The following TXNRD1 variants were observed in gnomAD, a reference collection of about 807,000 sequenced individuals.
The protein encoded by TXNRD1 is thioredoxin reductase 1.
A neutral mutation model predicts 80.3 loss-of-function variants in TXNRD1; 57 were observed. The ratio of observed to expected loss-of-function variants is 0.71; its 90% CI spans 0.57 to 0.89. The LOEUF is 0.89. Among genes scored for constraint, TXNRD1 ranks in the 40% least tolerant of loss-of-function variants. The probability of loss-of-function intolerance (pLI) is 0.00; values close to 1 mark genes in which losing one functional copy is unlikely to be tolerated. For missense variants in TXNRD1, 730 were observed against 803.0 expected (o/e 0.91, Z 1.10); for synonymous variants, 291 against 285.2 (o/e 1.02, Z -0.20).
chr12:104,265,893 G>GAAAAAAAAA, intron 3 of TXNRD1: 3 of 574,744 alleles, frequency 5.2e-6, no homozygotes, highest in Middle Eastern at 4.8e-4. Flanking sequence ...CGCCCCGGTG[G>GAAAAAAAAA]AAAAAAAAAA....
At chr12:104,222,070 C>A (rs1455993163) in intron 1 of TXNRD1, among the ~76,000 whole-genome samples, 1 of 152,070 alleles carries the variant, frequency 6.6e-6, no homozygotes, top group Non-Finnish European at 1.5e-5. Flanking sequence ...CTAGAAATCT[C>A]TATTTATCAT....
rs573236694 is a variant in TXNRD1, at chr12:104,219,891, A to G, written c.91+3998A>G. ...CAGTATTTTTTCAAAGTGCGGTCCT[A>G]AGACCACCTGCAAGAGAATTAATTA... is the stretch of plus-strand genomic sequence containing the variant. On this transcript the variant is annotated intron_variant, in intron 1 of 16. Transcript: ENST00000525566. Among the ~76,000 whole-genome samples, 3 of 152,312 alleles carry G rather than the reference A, an allele frequency of 2.0e-5. No individual in the cohort carries two copies. The South Asian group carries it at 6.2e-4, about 32-fold the overall frequency.
chr12:104,329,744 T>C (rs2035887181), intron 13 of TXNRD1, among the ~76,000 whole-genome samples: 1 of 152,220 alleles, frequency 6.6e-6, no homozygotes, highest in Admixed American at 6.5e-5. Flanking sequence ...GGAAGACCTC[T>C]ACAGACCTCA....
intron 2 of TXNRD1, among the ~76,000 whole-genome samples, chr12:104,253,802 C>A (rs1441189062): frequency 6.6e-6 from 1 of 152,066 alleles, no homozygotes; most frequent in African/African-American, 2.4e-5. Flanking sequence ...AAGTGATTCT[C>A]CTGCCTCAGC....
chr12:104,304,989 G>A (rs2034835640), intron 4 of TXNRD1: 1 of 1,498,648 alleles, frequency 6.7e-7, no homozygotes, highest in Admixed American at 2.5e-5. Flanking sequence ...GTTAGATGGA[G>A]AGTAAAATGT....
At chr12:104,329,835 A>C (rs1016817197) in intron 13 of TXNRD1, among the ~76,000 whole-genome samples, 1 of 152,094 alleles carries the variant, frequency 6.6e-6, no homozygotes, top group Non-Finnish European at 1.5e-5. Context: ...TCCAGGAAAG[A>C]CCCTGGGCTC....
chr12:104,308,904 T>TG (rs1278163908), intron 4 of TXNRD1, among the ~76,000 whole-genome samples: 19 of 150,628 alleles, frequency 1.3e-4, no homozygotes, highest in African/African-American at 4.6e-4. Context: ...GTTTCTTTTT[T>TG]TTTTTTTTTT....
intron 1 of TXNRD1, among the ~76,000 whole-genome samples, chr12:104,221,694 GA>G (rs1391422003): frequency 3.9e-5 from 6 of 152,132 alleles, no homozygotes; most frequent in African/African-American, 1.2e-4. Flanking sequence ...GACAAATATA[GA>G]AAAGTTATTT....
intron 3 of TXNRD1, among the ~76,000 whole-genome samples, chr12:104,278,049 T>G (rs2033793489): frequency 6.6e-6 from 1 of 151,530 alleles, no homozygotes; most frequent in African/African-American, 2.4e-5. Flanking sequence ...GCTAATTTTT[T>G]TGTATTTTTA....
In TXNRD1 at chr12:104,254,355, C is replaced by T. The variant is rs562260982; in HGVS notation, c.243+2677C>T. ...GTGGTTAATCTTCCTTCTGTCAGTACTGAGGCTAGATTAAATGGTAATCAA... is the reference window on the plus strand; with the variant it reads ...GTGGTTAATCTTCCTTCTGTCAGTATTGAGGCTAGATTAAATGGTAATCAA... On this transcript the variant is annotated intron_variant, in intron 2 of 16. Coordinates refer to ENST00000525566, the MANE Select transcript of TXNRD1 (RefSeq NM_001093771.3). 1.1e-3 allele frequency among the ~76,000 whole-genome samples: 162 copies of T among 152,064 alleles called. 1 individual carries two copies. Among genetic ancestry groups the T allele is most frequent in the Middle Eastern group, 3.4e-3 (1 of 294 alleles).
chr12:104,267,505 C>A (rs975923404), intron 3 of TXNRD1, among the ~76,000 whole-genome samples: 1 of 151,068 alleles, frequency 6.6e-6, no homozygotes, highest in Admixed American at 6.7e-5. Context: ...TGCCTTACTT[C>A]TTCCTTTCCT....
chr12:104,338,644 T>A (rs35928066), intron 15 of TXNRD1, among the ~76,000 whole-genome samples: 1,911 of 145,020 alleles, frequency 0.013, 40 homozygotes, highest in African/African-American at 0.042. Flanking sequence ...TTGCGGTGAG[T>A]GGAGATCGCG....
rs1565862719 is a variant in TXNRD1 at position 104,251,635 on chromosome 12, CTG to C, written c.203_204del (p.Val68GlyfsTer5). On this transcript the variant is annotated frameshift_variant, in exon 2 of 17. Coordinates refer to ENST00000525566, the MANE Select transcript of TXNRD1 (RefSeq NM_001093771.3). LOFTEE classifies it high-confidence loss of function. ...CTTCAGGCCTATATAGATGGTCACT[CTG>C]TGGTCATCTTCAGTAGGTCCACATG... The C allele has an allele frequency of 2.5e-6, 4 of 1,613,964 alleles. No individual in the cohort carries two copies. Among genetic ancestry groups the C allele is most frequent in the Non-Finnish European group, 3.4e-6 (4 of 1,179,854 alleles).
chr12:104,266,034 C>A (rs927538631), intron 3 of TXNRD1, among the ~76,000 whole-genome samples: 4 of 149,670 alleles, frequency 2.7e-5, no homozygotes, highest in African/African-American at 9.8e-5. Flanking sequence ...AAACAGATTT[C>A]TTTATCTTAA....
At chr12:104,309,856 C>CA (rs1276385576) in intron 4 of TXNRD1, 11 of 1,535,526 alleles carry the variant, frequency 7.2e-6, no homozygotes, top group Admixed American at 5.9e-5. Flanking sequence ...TGCAGACTGT[C>CA]AGAGTGGTGC....
intron 16 of TXNRD1, chr12:104,346,176 C>A: frequency 2.8e-6 from 1 of 359,348 alleles, no homozygotes; most frequent in Non-Finnish European, 5.4e-6. Context: ...CTGTTTCCAG[C>A]TAATATATAT....
At chr12:104,287,885 G>A (rs1254116100) in intron 3 of TXNRD1, among the ~76,000 whole-genome samples, 1 of 152,200 alleles carries the variant, frequency 6.6e-6, no homozygotes, top group Non-Finnish European at 1.5e-5. Context: ...CTTGTAGAGT[G>A]GTTGTGAAGT....
chr12:104,254,644 A>AAAAAAAAAAAAATAT, intron 2 of TXNRD1, among the ~76,000 whole-genome samples: 6 of 93,626 alleles, frequency 6.4e-5, no homozygotes, highest in East Asian at 2.7e-4. Context: ...AAAAAAAAAA[A>AAAAAAAAAAAAATAT]ATATATATAT....
In TXNRD1 at chr12:104,319,031, A is replaced by G. The variant is rs2035430592; in HGVS notation, c.849A>G (p.Gln283=). The G allele has an allele frequency of 6.2e-7, 1 of 1,613,578 alleles. No individual in the cohort carries two copies. Residue 283 remains glutamine, a synonymous_variant, in exon 8 of 17, where the codon CAA becomes CAG. Coordinates refer to ENST00000525566, the MANE Select transcript of TXNRD1 (RefSeq NM_001093771.3). ...TCGTCTATGAGAATGCTTATGGGCA[A>G]TTTATTGGTCCTCACAGGATTAAGG... ...KKVVYENAYG[Q]FIGPHRIKAT... is the part of the protein sequence containing the mutation.
Sources: allele counts gnomAD v4.1 joint callset (sites outside exome capture counted in the v4.1 genomes callset), GRCh38; gene constraint gnomAD v4.1.1; transcripts MANE v1.5; gene names NCBI Gene and HGNC (gene_info 2026-07-23, HGNC 2026-07-21).